The following UGT1A9 variants were observed in gnomAD, a reference collection of about 807,000 sequenced individuals.
UGT1A9 encodes UDP-glucuronosyltransferase 1A9.
UGT1A9 carries 35 observed loss-of-function variants against 45.0 expected under a neutral mutation model. That is an observed-to-expected ratio of 0.78 (90% CI 0.59 to 1.03). The LOEUF (loss-of-function observed/expected upper bound fraction) is 1.03, where lower values mean the gene tolerates loss of function less well. Among genes scored for constraint, UGT1A9 ranks in the 50% least tolerant of loss-of-function variants. The pLI is 0.00. For synonymous variants in UGT1A9, 278 were observed against 250.6 expected (o/e 1.11, Z -1.03); for missense variants, 687 against 666.6 (o/e 1.03, Z -0.34).
chr2:233,747,040 A>T (rs1268606849), intron 1 of UGT1A9, among the ~76,000 whole-genome samples: 1 of 151,966 alleles, frequency 6.6e-6, no homozygotes, highest in Admixed American at 6.5e-5. Context: ...GGGACCCATA[A>T]TGAAAGACAA....
intron 1 of UGT1A9, chr2:233,761,020 C>T (rs1412278754): frequency 9.9e-6 from 16 of 1,614,116 alleles, no homozygotes; most frequent in Non-Finnish European, 1.4e-5. Context: ...GGTGACTGTC[C>T]AGGACCTATT....
chr2:233,724,335 G>T (rs2077226383), intron 1 of UGT1A9, among the ~76,000 whole-genome samples: 1 of 147,968 alleles, frequency 6.8e-6, no homozygotes, highest in Admixed American at 6.7e-5. Flanking sequence ...CCAGGCGGGG[G>T]GCTGACCCCC....
At chr2:233,729,199 T>G (rs767614546) in intron 1 of UGT1A9, 1 of 1,614,000 alleles carries the variant, frequency 6.2e-7, no homozygotes, top group Non-Finnish European at 8.5e-7. Context: ...TGTCCAGCCC[T>G]GGGCTGAGAG....
At chr2:233,703,921 C>T (rs932239618) in intron 1 of UGT1A9, among the ~76,000 whole-genome samples, 8 of 151,492 alleles carry the variant, frequency 5.3e-5, no homozygotes, top group African/African-American at 1.9e-4. Context: ...GACAAAATCT[C>T]ATTCTGTTAC....
Position 233,682,426 on chromosome 2 carries a change from C to T in UGT1A9, c.855+9637C>T, listed in dbSNP as rs540052265. The T allele has an allele frequency of 7.4e-6, 12 of 1,613,888 alleles. No individual in the cohort carries two copies. The East Asian group carries it at 2.2e-4, about 30-fold the overall frequency. On this transcript the variant is annotated intron_variant, in intron 1 of 4. Transcript: ENST00000354728. ...TAATTGTTGCCAAATATTTCTCCCT[C>T]CCCTCTGTGGTCTTCGCCAGGGGAA...
At chr2:233,717,440 C>T (rs1261238198) in intron 1 of UGT1A9, among the ~76,000 whole-genome samples, 1 of 152,238 alleles carries the variant, frequency 6.6e-6, no homozygotes, top group Non-Finnish European at 1.5e-5. Flanking sequence ...CTGATGGACG[C>T]ATCCATTCAC....
intron 1 of UGT1A9, among the ~76,000 whole-genome samples, chr2:233,716,620 A>G (rs1358679333): frequency 2.0e-5 from 3 of 152,166 alleles, no homozygotes; most frequent in Non-Finnish European, 2.9e-5. Context: ...GGTTTATTCT[A>G]GTGAAGTTTT....
At chr2:233,691,738 A>C in intron 1 of UGT1A9, 2 of 700,940 alleles carry the variant, frequency 2.9e-6, no homozygotes, top group Non-Finnish European at 3.5e-6. Context: ...CCAGAAGCAG[A>C]TACCAGGCTT....
intron 1 of UGT1A9, among the ~76,000 whole-genome samples, chr2:233,737,955 G>A (rs1690643843): frequency 6.6e-6 from 1 of 151,990 alleles, no homozygotes; most frequent in African/African-American, 2.4e-5. Context: ...TTCCCAACAT[G>A]AGGTCACACT....
intron 1 of UGT1A9, among the ~76,000 whole-genome samples, chr2:233,702,642 A>G (rs913191367): frequency 1.3e-5 from 2 of 152,146 alleles, no homozygotes; most frequent in African/African-American, 4.8e-5. Context: ...ATTTTCATCT[A>G]TTCCTAGCTC....
chr2:233,679,857 T>C (rs188666653), intron 1 of UGT1A9, among the ~76,000 whole-genome samples: 4 of 152,196 alleles, frequency 2.6e-5, no homozygotes, highest in Non-Finnish European at 4.4e-5. Flanking sequence ...TTGGCATCTA[T>C]AAATAAGCCT....
chr2:233,769,918 G>T lies in UGT1A9; in HGVS notation c.1295+1479G>T. ...TGAGCATCATGTGCCCAGAGCGTTG[G>T]GTGGTGTGGTCCCATTCCTTCCTTC... is the stretch of plus-strand genomic sequence containing the variant. On this transcript the variant is annotated intron_variant, in intron 4 of 4. Coordinates refer to ENST00000354728, the MANE Select transcript of UGT1A9 (RefSeq NM_021027.3). This position sits in a 1 kb window ranked among gnomAD's most constrained non-coding sequence, Gnocchi z 4.4. The T allele has an allele frequency of 3.5e-6, 1 of 286,558 alleles. No homozygotes were observed. The highest frequency in any genetic ancestry group is 6.5e-6 in the Non-Finnish European group (1 of 153,120). 17.8% of individuals were successfully genotyped at this position (286,558 alleles called of 1,614,324 possible). A position where few individuals can be genotyped will look rare whatever the true frequency, so the allele number is the denominator to read the frequency against.
At chr2:233,767,789 A>T (rs1699484858) in intron 2 of UGT1A9, 60 bp from the exon 3 acceptor site, 5 of 1,613,778 alleles carry the variant, frequency 3.1e-6, no homozygotes, top group Non-Finnish European at 4.2e-6. Context: ...AGTATAGCAG[A>T]TTTGTTTTCT....
intron 1 of UGT1A9, chr2:233,682,591 A>G (rs747574458): frequency 2.5e-6 from 4 of 1,613,708 alleles, no homozygotes; most frequent in South Asian, 2.2e-5. Flanking sequence ...AGGAACATTT[A>G]TTTTGCCCCT....
chr2:233,693,370 C>G (rs770188786), intron 1 of UGT1A9: 1 of 1,614,164 alleles, frequency 6.2e-7, no homozygotes, highest in Non-Finnish European at 8.5e-7. Context: ...TTGGCCTGTA[C>G]TTCATCAACT....
At chr2:233,725,318 G>A (rs538456783) in intron 1 of UGT1A9, among the ~76,000 whole-genome samples, 1 of 74,564 alleles carries the variant, frequency 1.3e-5, no homozygotes, top group South Asian at 5.6e-4. Flanking sequence ...AGGCAGAGGC[G>A]CCTGGTCAAC....
chr2:233,690,405 C>A, intron 1 of UGT1A9: 2 of 1,185,150 alleles, frequency 1.7e-6, no homozygotes, highest in Non-Finnish European at 2.2e-6. Flanking sequence ...CTATTCCCAA[C>A]ATGAAATTAC....
intron 1 of UGT1A9, among the ~76,000 whole-genome samples, chr2:233,699,292 C>T (rs2075496575): frequency 6.6e-6 from 1 of 152,182 alleles, no homozygotes; most frequent in African/African-American, 2.4e-5. Context: ...GATGCTGGGA[C>T]ACTCTTATGC....
chr2:233,712,743 GT>G lies in UGT1A9; in HGVS notation c.855+39956del, dbSNP rs202230565. 8.9e-3 allele frequency among the ~76,000 whole-genome samples: 1,329 copies of G among 149,812 alleles called. 32 individuals are homozygous for G. The highest frequency in any genetic ancestry group is 0.03 in the African/African-American group (1,238 of 40,826). The stretch of plus-strand genomic sequence containing the variant: ...GAGAAACAAGAGCTTGAACTTGGAT[GT>G]TCCCCAGAGCGAGCGCAAGGTCAGA... On this transcript the variant is annotated intron_variant, in intron 1 of 4. Transcript: ENST00000354728.
Sources: gnomAD v4.1 joint callset for allele counts (sites outside exome capture counted in the v4.1 genomes callset) on GRCh38, gnomAD v4.1.1 for gene constraint, Gnocchi (gnomAD v3.1) non-coding constraint, MANE v1.5 for transcripts, NCBI Gene and HGNC (gene_info 2026-07-23, HGNC 2026-07-21) for gene names.